CNTNAP1: variants seen among roughly 807,000 people sequenced by gnomAD.
CNTNAP1 encodes the protein contactin-associated protein 1.
CNTNAP1 carries 80 observed loss-of-function variants against 161.5 expected under a neutral mutation model. The ratio of observed to expected loss-of-function variants is 0.50; its 90% CI spans 0.41 to 0.60. The LOEUF (loss-of-function observed/expected upper bound fraction) is 0.60, where lower values mean the gene tolerates loss of function less well. CNTNAP1 is among the 20% of genes least tolerant of loss of function. The pLI is 0.00. For synonymous variants in CNTNAP1, 695 were observed against 733.1 expected (o/e 0.95, Z 0.84); for missense variants, 1,464 against 1,854.8 (o/e 0.79, Z 3.87).
At position 42,682,892 on chromosome 17, in the gene CNTNAP1, C is replaced by A. The variant is rs1274594530; in HGVS notation, c.63C>A (p.Gly21=). 2 of 1,600,408 alleles carry A rather than the reference C, an allele frequency of 1.2e-6. No homozygotes were observed. The highest frequency in any genetic ancestry group is 1.7e-6 in the Non-Finnish European group (2 of 1,174,592). ...CGGTCTCAGGAGCCGAGGGCTGGGG[C>A]TACTGTGAGTGTTGGGCTTGGAGGC... is the stretch of plus-strand genomic sequence containing the variant. ...LAAVSGAEGW[G]YYGCDEELVG... The change falls in exon 1 of 24, where the codon GGC becomes GGA. Residue 21 remains glycine, a synonymous_variant. Coordinates refer to ENST00000264638, the MANE Select transcript of CNTNAP1 (RefSeq NM_003632.3).
At position 42,686,110 on chromosome 17, in the gene CNTNAP1, G is replaced by C. The variant is rs1051701748; in HGVS notation, c.869G>C (p.Gly290Ala). 8 of 1,614,102 alleles carry C rather than the reference G, an allele frequency of 5.0e-6. No individual in the cohort carries two copies. Among genetic ancestry groups the C allele is most frequent in the Non-Finnish European group, 6.8e-6 (8 of 1,180,052 alleles). Residue 290 changes from glycine (G) to alanine (A), a missense_variant, in exon 6 of 24, where the codon GGA (glycine) becomes GCA (alanine). Around this residue, in one of 3 missense-constraint regions of CNTNAP1, gnomAD observed 1,383 missense variants for 1,765.0 expected, o/e 0.78. Transcript: ENST00000264638. ...TATGTGCAGCGCTTTATTCTCAATG[G>C]AGACTTCGAGAGGCTGAACCTGGAC... is the stretch of plus-strand genomic sequence containing the variant. ...DGYVQRFILN[G>A]DFERLNLDTE...
Position 42,688,547 on chromosome 17 carries a change from A to G in CNTNAP1, c.1392A>G (p.Glu464=), listed in dbSNP as rs772067356. ...CAGTTATCAGCATTGATGATGTGGA[A>G]GGGGCAGAGGTCAGGGTCTCATACC... ...NHAVISIDDV[E]GAEVRVSYPL... The change falls in exon 9 of 24, where the codon GAA becomes GAG. Residue 464 remains glutamate (E), a synonymous_variant. Transcript: ENST00000264638. 2 of 1,614,178 alleles carry G rather than the reference A, an allele frequency of 1.2e-6. No individual in the cohort carries two copies. The highest frequency in any genetic ancestry group is 2.2e-5 in the South Asian group (2 of 91,086).
At chr17:42,688,829 CT>C (rs1235905188) in intron 9 of CNTNAP1, 46 bp from the exon 10 acceptor site, 2 of 1,609,286 alleles carry the variant, frequency 1.2e-6, no homozygotes, top group African/African-American at 2.7e-5. Flanking sequence ...GGGGGAGGGT[CT>C]TTGGGGTCTC....
At chr17:42,689,815 G>A (rs2053062388) in intron 11 of CNTNAP1, 188 bp downstream of exon 11, 4 of 593,222 alleles carry the variant, frequency 6.7e-6, no homozygotes, top group South Asian at 1.9e-5. Flanking sequence ...ATCTGGGCTC[G>A]CTGCAACCTC....
At chr17:42,684,860 G>C in intron 3 of CNTNAP1, 131 bp from the exon 4 acceptor site, 1 of 1,029,682 alleles carries the variant, frequency 9.7e-7, no homozygotes, top group Non-Finnish European at 1.4e-6. Flanking sequence ...GGGAGGCAGA[G>C]GTTGCGGTGA....
chr17:42,697,841 C>A, intron 22 of CNTNAP1, 42 bp downstream of exon 22: 1 of 1,614,158 alleles, frequency 6.2e-7, no homozygotes, highest in Non-Finnish European at 8.5e-7. Context: ...AGGGATGACA[C>A]GGAAGGGAAT....
chr17:42,687,190 G>C lies in CNTNAP1; in HGVS notation c.1044+144G>C. On this transcript the variant is annotated intron_variant, in intron 7 of 23. Coordinates refer to ENST00000264638, the MANE Select transcript of CNTNAP1 (RefSeq NM_003632.3). This position sits in a 1 kb window ranked among gnomAD's most constrained non-coding sequence, Gnocchi z 4.7. ...CAGATGCTCAAGTTGGGAGGGGAGC[G>C]GGTCTCACCTGAGGTGCATGAGCCA... 8.4e-7 allele frequency: 1 copy of C among 1,192,066 alleles called. No individual in the cohort carries two copies. The allele number at this position is 1,192,066 out of a possible 1,614,324, so 73.8% of individuals were successfully genotyped here. A position where few individuals can be genotyped will look rare whatever the true frequency, so the allele number is the denominator to read the frequency against.
chr17:42,692,874 T>TC (rs777753386), intron 17 of CNTNAP1, among the ~76,000 whole-genome samples, 154 bp downstream of exon 17: 55 of 152,246 alleles, frequency 3.6e-4, no homozygotes, highest in Middle Eastern at 6.8e-3. Context: ...GGCCTTTGTA[T>TC]CCTATTCTAT....
At chr17:42,689,095 C>A (rs532522662) in intron 10 of CNTNAP1, 48 bp downstream of exon 10, 1 of 1,506,188 alleles carries the variant, frequency 6.6e-7, no homozygotes, top group African/African-American at 1.4e-5. Context: ...AGCCCTCTTC[C>A]CTGGTCTCCC....
Position 42,691,329 on chromosome 17 carries a change from G to A in CNTNAP1, c.2216+36G>A, listed in dbSNP as rs373932073. On this transcript the variant is annotated intron_variant, in intron 14 of 23. Transcript: ENST00000264638. The surrounding 1 kb of genome is among the most constrained non-coding windows in gnomAD (Gnocchi z 4.3). ...AAAGGGACAGGGTTTTTAGGACTCC[G>A]GGAGTGGGAGGAGCTGAGTGGCTGG... The A allele has an allele frequency of 2.1e-5, 34 of 1,613,932 alleles. No individual in the cohort carries two copies. The African/African-American group carries it at 2.1e-4, about 10-fold the overall frequency.
chr17:42,688,388 C>T (rs1203584520), intron 8 of CNTNAP1, 74 bp from the exon 9 acceptor site: 6 of 1,598,228 alleles, frequency 3.8e-6, no homozygotes, highest in African/African-American at 1.3e-5. Context: ...GGGGCTGCTG[C>T]TTCCCCACTC....
intron 18 of CNTNAP1, among the ~76,000 whole-genome samples, chr17:42,693,945 A>G (rs772887152): frequency 1.3e-4 from 19 of 151,960 alleles, no homozygotes; most frequent in Admixed American, 5.9e-4. Flanking sequence ...GCTCACTGCA[A>G]CCTCCGCCTG....
chr17:42,690,609 G>A, intron 12 of CNTNAP1, 130 bp from the exon 13 acceptor site: 1 of 831,624 alleles, frequency 1.2e-6, no homozygotes, highest in Non-Finnish European at 2.0e-6. Context: ...AGTGCCCAGG[G>A]CAGAGGTGGA....
Position 42,690,961 on chromosome 17 carries a change from G to A in CNTNAP1, c.2059+19G>A, listed in dbSNP as rs748757086. The stretch of plus-strand genomic sequence containing the variant: ...ACTGCAGGTTAGGGCTGGGGTCAGG[G>A]AGGTGGCGGAACTGGAGGAGACACC... On this transcript the variant is annotated intron_variant, in intron 13 of 23. Transcript: ENST00000264638. The A allele has an allele frequency of 6.2e-6, 10 of 1,613,530 alleles. No individual in the cohort carries two copies. The South Asian group carries it at 9.9e-5, about 16-fold the overall frequency.
Position 42,692,481 on chromosome 17 carries a change from C to T in CNTNAP1, c.2531-18C>T, listed in dbSNP as rs371413003. ...GGTCTGAGTCCTTTTCTCCCCTACC[C>T]TGCATCACACTGTCCAGCATCCCGG... is the stretch of plus-strand genomic sequence containing the variant. On this transcript the variant is annotated intron_variant, in intron 16 of 23. Transcript: ENST00000264638. 6 of 1,606,846 alleles carry T rather than the reference C, an allele frequency of 3.7e-6. No individual in the cohort carries two copies. The highest frequency in any genetic ancestry group is 1.7e-4 in the Middle Eastern group (1 of 6,030).
rs533198017 is a variant in CNTNAP1, at chr17:42,685,027, C to A, written c.400C>A (p.Arg134Ser). The A allele has an allele frequency of 1.9e-6, 3 of 1,597,244 alleles. No homozygotes were observed. Among genetic ancestry groups the A allele is most frequent in the African/African-American group, 2.7e-5 (2 of 73,994 alleles). The change falls in exon 4 of 24, where the codon CGC becomes AGC. Residue 134 changes from arginine to serine, a missense_variant. This residue lies in a region of CNTNAP1 where 1,383 missense variants were observed against 1,765.0 expected (regional missense o/e 0.78). Coordinates refer to ENST00000264638, the MANE Select transcript of CNTNAP1 (RefSeq NM_003632.3). The surrounding 1 kb of genome is among the most constrained non-coding windows in gnomAD (Gnocchi z 5.0). ...TAACGTGAACGAGTCGGCGGTGGTG[C>A]GCCATGACCTGCACTTCCACTTCAC... Reference protein sequence around the residue: ...FGNVNESAVVRHDLHFHFTAR... With the variant: ...FGNVNESAVVSHDLHFHFTAR...
At position 42,685,145 on chromosome 17, in the gene CNTNAP1, G is replaced by A. The variant is rs773599082; in HGVS notation, c.511+7G>A. 39 of 1,600,804 alleles carry A rather than the reference G, an allele frequency of 2.4e-5. 1 individual carries two copies. Among genetic ancestry groups the A allele is most frequent in the Non-Finnish European group, 4.3e-6 (5 of 1,172,722 alleles). On this transcript the variant is annotated splice_region_variant and intron_variant, in intron 4 of 23. Coordinates refer to ENST00000264638, the MANE Select transcript of CNTNAP1 (RefSeq NM_003632.3). This position sits in a 1 kb window ranked among gnomAD's most constrained non-coding sequence, Gnocchi z 5.0. Reference sequence around the variant, plus strand: ...CTCTATGGCTGCCCATACAGTAAGTGTGCAGAGAGCGCGGAGGGGGCCTGG... The same window carrying A: ...CTCTATGGCTGCCCATACAGTAAGTATGCAGAGAGCGCGGAGGGGGCCTGG...
Position 42,685,436 on chromosome 17 carries a change from A to G in CNTNAP1, c.715+16A>G, listed in dbSNP as rs371727880. ...ATGAGCCTGGGTGAGCTCGGCGACC[A>G]TGTGCGATGCGGAGCCAACCCCTGA... On this transcript the variant is annotated intron_variant, in intron 5 of 23. Coordinates refer to ENST00000264638, the MANE Select transcript of CNTNAP1 (RefSeq NM_003632.3). This position sits in a 1 kb window ranked among gnomAD's most constrained non-coding sequence, Gnocchi z 5.0. 2.2e-4 allele frequency: 351 copies of G among 1,595,854 alleles called. No individual in the cohort carries two copies. Among genetic ancestry groups the G allele is most frequent in the Non-Finnish European group, 2.8e-4 (329 of 1,177,214 alleles).
intron 18 of CNTNAP1, among the ~76,000 whole-genome samples, chr17:42,694,113 A>C (rs11079051): frequency 0.55 from 82,958 of 151,286 alleles, 23,012 homozygotes; most frequent in African/African-American, 0.64. Context: ...CCTGCCTCAG[A>C]CTCCCAAAGT....
Sources: allele counts gnomAD v4.1 joint callset (sites outside exome capture counted in the v4.1 genomes callset), GRCh38; gene constraint gnomAD v4.1.1; regional missense constraint gnomAD v4.1.1; non-coding constraint Gnocchi (gnomAD v3.1); transcripts MANE v1.5; gene names NCBI Gene and HGNC (gene_info 2026-07-23, HGNC 2026-07-21).